TRIP12: variants seen among roughly 807,000 people sequenced by gnomAD.
TRIP12 encodes the protein thyroid hormone receptor interactor 12.
A neutral mutation model predicts 244.2 loss-of-function variants in TRIP12; 25 were observed. That is an observed-to-expected ratio of 0.10 (90% CI 0.07 to 0.14). The LOEUF (loss-of-function observed/expected upper bound fraction) is 0.14, where lower values mean the gene tolerates loss of function less well. Among genes scored for constraint, TRIP12 ranks in the 10% least tolerant of loss-of-function variants. The probability of loss-of-function intolerance (pLI) is 1.00; values close to 1 mark genes in which losing one functional copy is unlikely to be tolerated. For missense variants in TRIP12, 1,677 were observed against 2,486.4 expected (o/e 0.67, Z 6.92); for synonymous variants, 905 against 873.1 (o/e 1.04, Z -0.64).
intron 26 of TRIP12, 166 bp downstream of exon 26, chr2:229,795,008 AAAGAT>A (rs1459868074): frequency 9.4e-6 from 6 of 636,918 alleles, no homozygotes; most frequent in African/African-American, 7.5e-5. Flanking sequence ...GTATAATTTT[AAAGAT>A]AAGAAAGCAT....
intron 1 of TRIP12, chr2:229,894,312 T>C (rs1258320160): frequency 6.6e-6 from 1 of 152,204 alleles, no homozygotes; most frequent in Non-Finnish European, 1.5e-5. Context: ...AAGAATCTAA[T>C]ATCATTTCAA....
At chr2:229,906,001 C>T (rs2072640108) in intron 1 of TRIP12, among the ~76,000 whole-genome samples, 1 of 152,148 alleles carries the variant, frequency 6.6e-6, no homozygotes, top group Non-Finnish European at 1.5e-5. Flanking sequence ...TGTTGAAGAA[C>T]CACATAAAGA....
At chr2:229,884,236 CTTTTTTTT>C (rs200052292) in intron 1 of TRIP12, among the ~76,000 whole-genome samples, 1 of 123,582 alleles carries the variant, frequency 8.1e-6, no homozygotes, top group Non-Finnish European at 1.6e-5. Context: ...TTTTTCTTTT[CTTTTTTTT>C]TTTTTTTTTT....
intron 32 of TRIP12, among the ~76,000 whole-genome samples, chr2:229,787,875 A>G (rs2040477382): frequency 6.6e-6 from 1 of 152,104 alleles, no homozygotes; most frequent in Non-Finnish European, 1.5e-5. Flanking sequence ...TGATCTAGGC[A>G]CACTGCAACC....
chr2:229,869,925 T>C (rs183496722), intron 2 of TRIP12, among the ~76,000 whole-genome samples: 48 of 152,212 alleles, frequency 3.2e-4, no homozygotes, highest in Non-Finnish European at 5.4e-4. Flanking sequence ...TACACAGTAG[T>C]TGGCAACTTC....
chr2:229,785,715 C>T, intron 34 of TRIP12, 42 bp downstream of exon 34: 1 of 1,558,552 alleles, frequency 6.4e-7, no homozygotes, highest in South Asian at 1.1e-5. Context: ...TAATTAAGAG[C>T]ACAAGTCAAG....
chr2:229,813,857 A>G lies in TRIP12; in HGVS notation c.1986+13T>C. The G allele has an allele frequency of 6.8e-7, 1 of 1,472,896 alleles. No homozygotes were observed. Among genetic ancestry groups the G allele is most frequent in the Non-Finnish European group, 9.2e-7 (1 of 1,090,920 alleles). The allele number at this position is 1,472,896 out of a possible 1,614,324, so 91.2% of individuals were successfully genotyped here. The stretch of plus-strand genomic sequence containing the variant: ...AAACACTTTATGGCACATAAAATAG[A>G]TGCATATTTTACCTGATGTGTTAGC... On this transcript the variant is annotated intron_variant, in intron 13 of 41. Coordinates refer to ENST00000675903, the MANE Select transcript of TRIP12 (RefSeq NM_001348323.3).
intron 8 of TRIP12, among the ~76,000 whole-genome samples, chr2:229,827,366 G>C (rs894338548): frequency 6.6e-6 from 1 of 151,786 alleles, no homozygotes; most frequent in African/African-American, 2.4e-5. Flanking sequence ...CTATTTTGTA[G>C]TATTAACTAG....
At chr2:229,824,985 T>A (rs1044080306) in intron 8 of TRIP12, among the ~76,000 whole-genome samples, 1 of 152,114 alleles carries the variant, frequency 6.6e-6, no homozygotes, top group Non-Finnish European at 1.5e-5. Context: ...CAAAATGAAG[T>A]AAATGAAACA....
At chr2:229,826,823 G>A (rs971369754) in intron 8 of TRIP12, among the ~76,000 whole-genome samples, 3 of 152,112 alleles carry the variant, frequency 2.0e-5, no homozygotes, top group Non-Finnish European at 4.4e-5. Context: ...AAAATGGTAC[G>A]TCTGTATAGG....
At chr2:229,803,821 A>G in intron 19 of TRIP12, 132 bp from the exon 20 acceptor site, 2 of 879,316 alleles carry the variant, frequency 2.3e-6, no homozygotes, top group South Asian at 3.7e-5. Context: ...TTTTTCTTAA[A>G]TGCTCAAGTT....
At chr2:229,865,202 C>T (rs1442263144) in intron 2 of TRIP12, among the ~76,000 whole-genome samples, 1 of 151,346 alleles carries the variant, frequency 6.6e-6, no homozygotes, top group Non-Finnish European at 1.5e-5. Flanking sequence ...TTCCTAGCTA[C>T]TCGGGAAGCT....
intron 1 of TRIP12, among the ~76,000 whole-genome samples, chr2:229,905,421 G>A (rs1173019854): frequency 2.0e-5 from 3 of 152,128 alleles, no homozygotes; most frequent in South Asian, 4.1e-4. Flanking sequence ...AGGGCAAAAC[G>A]TTATACACAA....
At chr2:229,835,759 T>G (rs1476898871) in intron 6 of TRIP12, among the ~76,000 whole-genome samples, 1 of 152,218 alleles carries the variant, frequency 6.6e-6, no homozygotes, top group Admixed American at 6.5e-5. Flanking sequence ...ATTTGGGAAT[T>G]GCCCCATTTC....
Position 229,837,191 on chromosome 2 carries a change from C to T in TRIP12, c.1134-207G>A, listed in dbSNP as rs147350577. ...TCCAAGTTATATTGCATTTACAATA[C>T]AAGCTTTTGTTACTGTGAGCTGTTG... On this transcript the variant is annotated intron_variant, in intron 5 of 41. Transcript: ENST00000675903. 7.2e-3 allele frequency among the ~76,000 whole-genome samples: 1,100 copies of T among 152,272 alleles called. 7 individuals are homozygous for T. The highest frequency in any genetic ancestry group is 0.012 in the Non-Finnish European group (847 of 68,014).
In TRIP12 at chr2:229,778,810, T is replaced by C. The variant is rs1559341446; in HGVS notation, c.5209+66A>G. On this transcript the variant is annotated intron_variant, in intron 35 of 41. Coordinates refer to ENST00000675903, the MANE Select transcript of TRIP12 (RefSeq NM_001348323.3). This position sits in a 1 kb window ranked among gnomAD's most constrained non-coding sequence, Gnocchi z 4.1. ...TCCATTAGAAATTAAATATGTCTAA[T>C]AAACTGTCAGAGTCCATTACCTGAT... The C allele has an allele frequency of 4.1e-6, 6 of 1,465,130 alleles. No homozygotes were observed. Among genetic ancestry groups the C allele is most frequent in the Admixed American group, 1.8e-5 (1 of 56,332 alleles). 90.8% of individuals were successfully genotyped at this position (1,465,130 alleles called of 1,614,324 possible).
chr2:229,812,146 A>G (rs539519330), intron 13 of TRIP12, among the ~76,000 whole-genome samples: 9 of 151,994 alleles, frequency 5.9e-5, no homozygotes, highest in Non-Finnish European at 1.2e-4. Flanking sequence ...CTGGAGTGCA[A>G]TGGCACGATC....
chr2:229,765,902 C>T lies in TRIP12; in HGVS notation c.*1652G>A, dbSNP rs2031561023. 1 of 152,182 alleles carries T rather than the reference C, an allele frequency of 6.6e-6. No homozygotes were observed. The allele number at this position is 152,182 out of a possible 1,614,324, so 9.4% of individuals were successfully genotyped here. On this transcript the variant is annotated 3_prime_UTR_variant, in exon 42 of 42. Coordinates refer to ENST00000675903, the MANE Select transcript of TRIP12 (RefSeq NM_001348323.3). ...TCTGCCCCCAACTCCTCTGACAGTT[C>T]CCTTCCACTTAATGGGGTCACTGCC...
chr2:229,803,490 A>G, intron 20 of TRIP12, 81 bp downstream of exon 20: 1 of 840,028 alleles, frequency 1.2e-6, no homozygotes, highest in Non-Finnish European at 1.9e-6. Context: ...AAAAGCTATC[A>G]GTTTTTGCTC....
Sources: allele counts gnomAD v4.1 joint callset (sites outside exome capture counted in the v4.1 genomes callset), GRCh38; gene constraint gnomAD v4.1.1; non-coding constraint Gnocchi (gnomAD v3.1); transcripts MANE v1.5; gene names NCBI Gene and HGNC (gene_info 2026-07-23, HGNC 2026-07-21).